LINC00237: variants seen among roughly 807,000 people sequenced by gnomAD.
The protein encoded by LINC00237 is long independently transcribed non-coding RNA 237.
At chr20:21,090,004 T>C (rs1298141483) in intron 2 of LINC00237, 1 of 152,256 alleles carries the variant, frequency 6.6e-6, no homozygotes, top group African/African-American at 2.4e-5. Context: ...AGTGTGTTTT[T>C]ATGTAGACGT....
chr20:21,088,398 C>A (rs370166336), intron 2 of LINC00237, among the ~76,000 whole-genome samples: 6 of 152,118 alleles, frequency 3.9e-5, no homozygotes, highest in Non-Finnish European at 7.4e-5. Flanking sequence ...TGAGTCATTC[C>A]TTCTCATCCA....
chr20:21,096,575 G>A (rs1371612307), intron 1 of LINC00237, among the ~76,000 whole-genome samples: 4 of 152,228 alleles, frequency 2.6e-5, no homozygotes, highest in African/African-American at 9.6e-5. Flanking sequence ...TGGAAGATTA[G>A]TTTGTTGCCA....
chr20:21,090,442 T>G (rs2122169278), intron 2 of LINC00237: 1 of 152,298 alleles, frequency 6.6e-6, no homozygotes, highest in South Asian at 2.1e-4. Flanking sequence ...AATTCAGGCC[T>G]CCCTCGCATC....
chr20:21,096,275 A>G (rs1029965533), intron 1 of LINC00237, among the ~76,000 whole-genome samples: 3 of 152,186 alleles, frequency 2.0e-5, no homozygotes, highest in African/African-American at 7.2e-5. Context: ...GGGAGGGCAG[A>G]TTCTGCTCCT....
chr20:21,086,107 G>A (rs987325353), intron 3 of LINC00237, among the ~76,000 whole-genome samples: 5 of 152,214 alleles, frequency 3.3e-5, no homozygotes, highest in Admixed American at 6.5e-5. Context: ...CTCAGAAGGA[G>A]ACATTATTTT....
At chr20:21,086,007 G>A (rs1274347559) in intron 3 of LINC00237, among the ~76,000 whole-genome samples, 1 of 152,194 alleles carries the variant, frequency 6.6e-6, no homozygotes, top group East Asian at 1.9e-4. Flanking sequence ...GGTGGAAGCT[G>A]CACACGCAGT....
At chr20:21,099,352 G>A (rs759421488) in intron 1 of LINC00237, among the ~76,000 whole-genome samples, 2 of 152,184 alleles carry the variant, frequency 1.3e-5, no homozygotes, top group Non-Finnish European at 2.9e-5. Context: ...CACGTGGGGA[G>A]AAAAGTGAAA....
intron 1 of LINC00237, among the ~76,000 whole-genome samples, chr20:21,096,017 C>G (rs955972625): frequency 1.2e-4 from 19 of 152,192 alleles, no homozygotes; most frequent in African/African-American, 4.3e-4. Context: ...TATAATACAC[C>G]TTGATGGTTG....
At chr20:21,088,538 G>A (rs572683111) in intron 2 of LINC00237, among the ~76,000 whole-genome samples, 1 of 152,272 alleles carries the variant, frequency 6.6e-6, no homozygotes, top group Admixed American at 6.5e-5. Context: ...TTGGAAGTAG[G>A]AATAATTTCA....
At chr20:21,096,210 T>G (rs1039867138) in intron 1 of LINC00237, among the ~76,000 whole-genome samples, 1 of 152,196 alleles carries the variant, frequency 6.6e-6, no homozygotes, top group African/African-American at 2.4e-5. Context: ...AACCAAAATT[T>G]GCAGTTCTTC....
At chr20:21,088,924 T>C (rs1278767706) in intron 2 of LINC00237, among the ~76,000 whole-genome samples, 1 of 152,044 alleles carries the variant, frequency 6.6e-6, no homozygotes, top group African/African-American at 2.4e-5. Context: ...GCATTCCTAG[T>C]GTATGTGTAA....
chr20:21,096,562 C>T (rs1440449138), intron 1 of LINC00237, among the ~76,000 whole-genome samples: 2 of 152,158 alleles, frequency 1.3e-5, no homozygotes, highest in East Asian at 3.8e-4. Context: ...GAGTCTCCGA[C>T]CCTGGAAGAT....
intron 3 of LINC00237, chr20:21,087,605 T>G (rs2030731830): frequency 1.3e-5 from 2 of 152,212 alleles, no homozygotes; most frequent in South Asian, 4.1e-4. Flanking sequence ...TTGTTCACTT[T>G]AATTTTTGTC....
At chr20:21,104,643 G>GT (rs1164359471) in intron 1 of LINC00237, among the ~76,000 whole-genome samples, 9 of 152,212 alleles carry the variant, frequency 5.9e-5, no homozygotes, top group Admixed American at 1.3e-4. Context: ...CTGACTTACT[G>GT]TTTTTTTTCC....
intron 1 of LINC00237, among the ~76,000 whole-genome samples, chr20:21,098,032 T>C (rs2030883154): frequency 6.6e-6 from 1 of 152,038 alleles, no homozygotes; most frequent in East Asian, 1.9e-4. Context: ...CCTTGAAAAA[T>C]AGTCAAACAA....
chr20:21,086,494 T>G (rs977851260), intron 3 of LINC00237, among the ~76,000 whole-genome samples: 1 of 147,646 alleles, frequency 6.8e-6, no homozygotes, highest in African/African-American at 2.5e-5. Context: ...TATCTATATA[T>G]ATAGAGAGAG....
chr20:21,094,249 A>C (rs893593175), intron 1 of LINC00237, among the ~76,000 whole-genome samples: 3 of 152,070 alleles, frequency 2.0e-5, no homozygotes, highest in Non-Finnish European at 4.4e-5. Flanking sequence ...TATGCTGGTC[A>C]CTCTCTCCAC....
intron 1 of LINC00237, among the ~76,000 whole-genome samples, chr20:21,094,599 C>T (rs770649940): frequency 1.3e-5 from 2 of 152,000 alleles, no homozygotes; most frequent in African/African-American, 2.4e-5. Context: ...TGATAGTATC[C>T]GAATATAACC....
exon 4 of LINC00237, among the ~76,000 whole-genome samples, chr20:21,085,852 C>T (rs890258127): frequency 3.3e-5 from 5 of 152,144 alleles, no homozygotes; most frequent in African/African-American, 9.7e-5. Context: ...TTTTAGCCTG[C>T]CACAATCTCA....
Sources: allele counts gnomAD v4.1 joint callset (sites outside exome capture counted in the v4.1 genomes callset), GRCh38; gene constraint gnomAD v4.1.1; transcripts MANE v1.5; gene names NCBI Gene and HGNC (gene_info 2026-07-23, HGNC 2026-07-21).